Variants in STON2 observed in about 807,000 individuals in gnomAD.
STON2 encodes stonin-2.
Under a neutral mutation model 65.7 loss-of-function variants are expected in STON2, and 29 were observed. That is an observed-to-expected ratio of 0.44 (90% confidence interval 0.33 to 0.60). STON2 has a LOEUF of 0.60. STON2 is among the 20% of genes least tolerant of loss of function. The probability of loss-of-function intolerance (pLI) is 0.03; values close to 1 mark genes in which losing one functional copy is unlikely to be tolerated. For synonymous variants in STON2, 404 were observed against 414.2 expected (o/e 0.98, Z 0.30); for missense variants, 1,054 against 1,118.1 (o/e 0.94, Z 0.82).
intron 4 of STON2, among the ~76,000 whole-genome samples, chr14:81,364,711 A>C (rs1022686003): frequency 6.6e-6 from 1 of 152,158 alleles, no homozygotes; most frequent in African/African-American, 2.4e-5. Context: ...ACATGTTATA[A>C]ATCTCCAACA....
At position 81,341,341 on chromosome 14, in the gene STON2, T is replaced by C. The variant is rs1595372004; in HGVS notation, c.572-17154A>G. ...TTGTTGATACAAGAAGGGAGAGGGT[T>C]GGGTGGATATGTTTAATTGTAAATT... is the stretch of plus-strand genomic sequence containing the variant. On this transcript the variant is annotated intron_variant, in intron 4 of 7. Transcript: ENST00000614646. Among the ~76,000 whole-genome samples, 4 of 152,038 alleles carry C rather than the reference T, an allele frequency of 2.6e-5. No homozygotes were observed. The East Asian group carries it at 5.8e-4, about 22-fold the overall frequency.
chr14:81,336,302 G>A (rs1305483919), intron 4 of STON2, among the ~76,000 whole-genome samples: 1 of 152,086 alleles, frequency 6.6e-6, no homozygotes, highest in African/African-American at 2.4e-5. Context: ...TAGGTAGGGT[G>A]GGTATCCTTG....
intron 5 of STON2, among the ~76,000 whole-genome samples, chr14:81,295,591 T>G (rs2140168154): frequency 6.6e-6 from 1 of 152,338 alleles, no homozygotes; most frequent in Non-Finnish European, 1.5e-5. Context: ...TGCACCTTTA[T>G]ATGTCCTGAA....
intron 5 of STON2, among the ~76,000 whole-genome samples, chr14:81,298,028 ACT>A (rs1895828019): frequency 2.0e-5 from 3 of 152,150 alleles, no homozygotes. Context: ...CAAGAGCAAA[ACT>A]CTGTCTCAAA....
At chr14:81,400,702 T>A (rs368012096), upstream of STON2, among the ~76,000 whole-genome samples, 5 of 152,196 alleles carry the variant, frequency 3.3e-5, no homozygotes, top group South Asian at 8.3e-4. Context: ...TCAGGTGTTA[T>A]GAGAAAACTG....
chr14:81,278,002 T>C lies in STON2; in HGVS notation c.1480A>G (p.Lys494Glu). The change falls in exon 6 of 8, where the codon AAG becomes GAG. Residue 494 changes from lysine (K) to glutamate (E), a missense_variant. Lys to Glu is a moderately conservative substitution (Grantham distance 56). Transcript: ENST00000614646. ...GWPMMLRIPEKKNIMSSRHWG... is the reference protein window; with the variant it reads ...GWPMMLRIPEEKNIMSSRHWG... ...TGCCTGGAGGACATGATGTTTTTCT[T>C]CTCAGGGATCCTCAACATCATTGGC... 6.2e-7 allele frequency: 1 copy of C among 1,614,168 alleles called. No homozygotes were observed.
intron 4 of STON2, among the ~76,000 whole-genome samples, chr14:81,366,636 A>T (rs1055312920): frequency 2.0e-5 from 3 of 152,086 alleles, no homozygotes; most frequent in Non-Finnish European, 4.4e-5. Context: ...CCAGGCACAG[A>T]AACCAATCAT....
chr14:81,333,270 C>T, intron 4 of STON2: 1 of 715,754 alleles, frequency 1.4e-6, no homozygotes, highest in South Asian at 1.4e-5. Context: ...TGTTGCCTTC[C>T]CGGGGTGAAG....
intron 1 of STON2, among the ~76,000 whole-genome samples, chr14:81,432,511 C>T (rs1405336892): frequency 6.6e-6 from 1 of 152,130 alleles, no homozygotes; most frequent in African/African-American, 2.4e-5. Flanking sequence ...AGCCAAATGT[C>T]CACCCAGTGG....
chr14:81,262,752 A>C lies in STON2; in HGVS notation c.*5662T>G. Reference sequence around the variant, plus strand: ...TAGACTCTTTCCAGCAGATTTGCTAAGGCACACTAGAAGAAATGTAAAAAT... The same window carrying C: ...TAGACTCTTTCCAGCAGATTTGCTACGGCACACTAGAAGAAATGTAAAAAT... On this transcript the variant is annotated 3_prime_UTR_variant, in exon 8 of 8. Transcript: ENST00000614646. 2 of 985,434 alleles carry C rather than the reference A, an allele frequency of 2.0e-6. No homozygotes were observed. Among genetic ancestry groups the C allele is most frequent in the South Asian group, 4.7e-5 (1 of 21,288 alleles). The allele number at this position is 985,434 out of a possible 1,614,324, so 61.0% of individuals were successfully genotyped here.
At chr14:81,316,912 T>C (rs763308033) in intron 5 of STON2, among the ~76,000 whole-genome samples, 1 of 151,786 alleles carries the variant, frequency 6.6e-6, no homozygotes, top group Non-Finnish European at 1.5e-5. Context: ...CCCAGCTACA[T>C]GGGAGGCTGA....
chr14:81,406,597 A>C (rs1173082097), intron 2 of STON2, among the ~76,000 whole-genome samples: 1 of 151,916 alleles, frequency 6.6e-6, no homozygotes, highest in African/African-American at 2.4e-5. Flanking sequence ...AAATTTACAG[A>C]CCCTCCTTGA....
chr14:81,393,595 T>C (rs374233094), intron 3 of STON2, among the ~76,000 whole-genome samples: 2 of 152,334 alleles, frequency 1.3e-5, no homozygotes, highest in African/African-American at 4.8e-5. Context: ...ATGTGTAATA[T>C]GGATTAATAT....
In STON2 at chr14:81,398,276, A is replaced by C. The variant is rs757276444; in HGVS notation, c.88+19T>G. The stretch of plus-strand genomic sequence containing the variant: ...TCTTTGACAATCTCTTCACTTTAGG[A>C]AACGAAGGCACTCCTTACCCTGCGA... On this transcript the variant is annotated intron_variant, in intron 2 of 7. Coordinates refer to ENST00000614646, the MANE Select transcript of STON2 (RefSeq NM_001394390.1). 3 of 1,582,534 alleles carry C rather than the reference A, an allele frequency of 1.9e-6. No individual in the cohort carries two copies. In the East Asian group the frequency reaches 6.7e-5, roughly 36 times the overall value.
chr14:81,407,819 T>C (rs1900943129), intron 2 of STON2, among the ~76,000 whole-genome samples: 2 of 152,228 alleles, frequency 1.3e-5, no homozygotes, highest in African/African-American at 2.4e-5. Context: ...AGCTACCTTA[T>C]TGAGCATCTA....
Position 81,398,506 on chromosome 14 carries a change from G to A in STON2, c.-124C>T, listed in dbSNP as rs1448701062. On this transcript the variant is annotated 5_prime_UTR_variant, in exon 2 of 8. Transcript: ENST00000614646. ...CTTGGGTCCAGGGTCTGTTCTAGGT[G>A]TCTTGCCAAGGGCAGTACTCAGAAT... The A allele has an allele frequency of 7.6e-6, 5 of 657,156 alleles. No individual in the cohort carries two copies. The Admixed American group carries it at 1.0e-4, about 13-fold the overall frequency. The allele number at this position is 657,156 out of a possible 1,614,324, so 40.7% of individuals were successfully genotyped here.
intron 3 of STON2, among the ~76,000 whole-genome samples, chr14:81,373,310 C>T (rs751964679): frequency 6.6e-5 from 10 of 151,846 alleles, no homozygotes; most frequent in Non-Finnish European, 8.8e-5. Context: ...ATCTATAACC[C>T]CCACCCCAAA....
At chr14:81,318,427 CA>C (rs1896704199) in intron 5 of STON2, among the ~76,000 whole-genome samples, 1 of 152,108 alleles carries the variant, frequency 6.6e-6, no homozygotes, top group African/African-American at 2.4e-5. Flanking sequence ...CCTTCCAAAG[CA>C]GGAAAAAATG....
chr14:81,289,412 G>T (rs968185802), intron 5 of STON2, among the ~76,000 whole-genome samples: 1 of 152,150 alleles, frequency 6.6e-6, no homozygotes, highest in African/African-American at 2.4e-5. Context: ...GTGGGGGACT[G>T]GTCAGTGGTG....
Sources: gnomAD v4.1 joint callset for allele counts (sites outside exome capture counted in the v4.1 genomes callset) on GRCh38, gnomAD v4.1.1 for gene constraint, MANE v1.5 for transcripts, NCBI Gene and HGNC (gene_info 2026-07-23, HGNC 2026-07-21) for gene names.